The following NOL4L variants were observed in gnomAD, a reference collection of about 807,000 sequenced individuals.
NOL4L encodes the protein nucleolar protein 4-like.
NOL4L carries 7 observed loss-of-function variants against 64.5 expected under a neutral mutation model. That is an observed-to-expected ratio of 0.11 (90% CI 0.06 to 0.20). The LOEUF is 0.20. NOL4L is among the 10% of genes least tolerant of loss of function. NOL4L has a pLI of 1.00. For missense variants in NOL4L, 680 were observed against 967.1 expected (o/e 0.70, Z 3.94); for synonymous variants, 413 against 401.0 (o/e 1.03, Z -0.36).
chr20:32,460,929 G>A lies in NOL4L; in HGVS notation c.842-4534C>T, dbSNP rs995027269. Among the ~76,000 whole-genome samples, 8 of 152,166 alleles carry A rather than the reference G, an allele frequency of 5.3e-5. No individual in the cohort carries two copies. Among genetic ancestry groups the A allele is most frequent in the Non-Finnish European group, 1.2e-4 (8 of 68,016 alleles). ...CCCCTACTCTCGGCGACTCCTGCTC[G>A]CCCTTCTGTGCTAACCCGAGCACCA... On this transcript the variant is annotated intron_variant, in intron 5 of 10. Transcript: ENST00000621426. The surrounding 1 kb of genome is among the most constrained non-coding windows in gnomAD (Gnocchi z 5.7).
rs745641509 is a variant in NOL4L, at chr20:32,447,702, G to A, written c.1937C>T (p.Thr646Met). The part of the protein sequence containing the change: ...RPVPTAQLSP[T>M]EISAVRQLIA... The stretch of plus-strand genomic sequence containing the variant: ...GAGCTGCCGCACGGCGCTGATCTCC[G>A]TGGGGCTGAGCTGAGCGGTGGGCAC... The change falls in exon 11 of 11, where the codon ACG becomes ATG. Residue 646 changes from threonine (T) to methionine (M), a missense_variant. Thr to Met is a moderately conservative substitution (Grantham distance 81). Transcript: ENST00000621426. 9.9e-6 allele frequency: 16 copies of A among 1,612,086 alleles called. No homozygotes were observed. Among genetic ancestry groups the A allele is most frequent in the African/African-American group, 2.7e-5 (2 of 74,866 alleles).
intron 4 of NOL4L, among the ~76,000 whole-genome samples, chr20:32,496,061 A>G (rs1357669020): frequency 1.3e-5 from 2 of 152,240 alleles, no homozygotes; most frequent in East Asian, 3.9e-4. Context: ...TCTGGCAGAG[A>G]AAGATCACCA....
intron 4 of NOL4L, among the ~76,000 whole-genome samples, chr20:32,504,351 T>G (rs1321567689): frequency 2.0e-5 from 3 of 151,970 alleles, no homozygotes; most frequent in Admixed American, 1.3e-4. Flanking sequence ...ACGAGGTCAG[T>G]AGATCGAGAC....
chr20:32,455,708 G>A (rs923762568), intron 6 of NOL4L, among the ~76,000 whole-genome samples: 2 of 152,072 alleles, frequency 1.3e-5, no homozygotes, highest in Non-Finnish European at 2.9e-5. Flanking sequence ...CCCTTTTTTC[G>A]CACGACCTAT....
chr20:32,546,287 T>C (rs1458321809), intron 1 of NOL4L, among the ~76,000 whole-genome samples: 2 of 149,974 alleles, frequency 1.3e-5, no homozygotes, highest in Admixed American at 1.3e-4. Context: ...TTTTGCTCGT[T>C]ACTCAGGCTG....
At chr20:32,491,319 T>A (rs1255272979) in intron 4 of NOL4L, among the ~76,000 whole-genome samples, 1 of 152,112 alleles carries the variant, frequency 6.6e-6, no homozygotes, top group African/African-American at 2.4e-5. Context: ...GAGGTGACAT[T>A]TAAGTTGGGC....
At chr20:32,501,716 A>G (rs916043114) in intron 4 of NOL4L, among the ~76,000 whole-genome samples, 11 of 152,338 alleles carry the variant, frequency 7.2e-5, no homozygotes, top group African/African-American at 2.6e-4. Context: ...TACTAAAAGA[A>G]AACATGGGGG....
intron 1 of NOL4L, among the ~76,000 whole-genome samples, chr20:32,581,765 AC>A: frequency 6.6e-6 from 1 of 152,214 alleles, no homozygotes; most frequent in Non-Finnish European, 1.5e-5. Flanking sequence ...CAGTGCCCGC[AC>A]AAGGACTGTG....
intron 3 of NOL4L, among the ~76,000 whole-genome samples, chr20:32,517,740 G>C (rs1043385759): frequency 1.3e-5 from 2 of 152,210 alleles, no homozygotes; most frequent in Non-Finnish European, 2.9e-5. Context: ...GGCACCGTAG[G>C]CCACGACACG....
chr20:32,524,943 C>T (rs186421988), intron 2 of NOL4L, among the ~76,000 whole-genome samples: 68 of 152,352 alleles, frequency 4.5e-4, no homozygotes, highest in African/African-American at 1.3e-3. Flanking sequence ...CCAGCCCCTT[C>T]GGCCTCACAC....
intron 1 of NOL4L, among the ~76,000 whole-genome samples, chr20:32,529,434 G>A (rs573156817): frequency 6.6e-6 from 1 of 152,344 alleles, no homozygotes; most frequent in Admixed American, 6.5e-5. Context: ...ACAGTGGCTG[G>A]TGGATGGCAC....
At chr20:32,477,995 C>A (rs2015498248) in intron 4 of NOL4L, among the ~76,000 whole-genome samples, 1 of 152,230 alleles carries the variant, frequency 6.6e-6, no homozygotes. Flanking sequence ...TCAGGCCTAG[C>A]TCCAGCTCTG....
intron 5 of NOL4L, among the ~76,000 whole-genome samples, chr20:32,468,783 C>G (rs978082189): frequency 1.3e-5 from 2 of 151,962 alleles, no homozygotes; most frequent in African/African-American, 4.8e-5. Context: ...CCTGTAATCC[C>G]AGCTACTCGG....
At chr20:32,553,130 C>G (rs1174648736) in intron 1 of NOL4L, among the ~76,000 whole-genome samples, 1 of 152,162 alleles carries the variant, frequency 6.6e-6, no homozygotes, top group African/African-American at 2.4e-5. Context: ...CCAGCAAATC[C>G]TGTGGCGCGC....
At chr20:32,530,410 G>A (rs562799656) in intron 1 of NOL4L, among the ~76,000 whole-genome samples, 46 of 152,224 alleles carry the variant, frequency 3.0e-4, no homozygotes, top group Non-Finnish European at 5.7e-4. Context: ...GCATGGTGGC[G>A]GGAGCCTGTA....
Position 32,452,228 on chromosome 20 carries a change from C to G in NOL4L, c.1822+8G>C. On this transcript the variant is annotated splice_region_variant and intron_variant, in intron 10 of 10. Coordinates refer to ENST00000621426, the MANE Select transcript of NOL4L (RefSeq NM_001256798.2). ...GGGAAGCCAGAGCCCAGGCCTCCCC[C>G]GACTCACCATTACTGTGGTTTCCTG... 6.6e-7 allele frequency: 1 copy of G among 1,520,910 alleles called. No individual in the cohort carries two copies. Among genetic ancestry groups the G allele is most frequent in the Non-Finnish European group, 8.9e-7 (1 of 1,129,234 alleles). The allele number at this position is 1,520,910 out of a possible 1,614,324, so 94.2% of individuals were successfully genotyped here. A position where few individuals can be genotyped will look rare whatever the true frequency, so the allele number is the denominator to read the frequency against.
In NOL4L at chr20:32,453,297, GA is replaced by G. The variant is rs2013123019; in HGVS notation, c.1497+6del. On this transcript the variant is annotated splice_donor_region_variant and intron_variant, in intron 8 of 10. Transcript: ENST00000621426. The surrounding 1 kb of genome is among the most constrained non-coding windows in gnomAD (Gnocchi z 5.6). ...GGGAAAGTGTGGGCCAGGCAGGGGG[GA>G]CTCACCATCTCCATGCCGTTCTTCT... 1.2e-6 allele frequency: 2 copies of G among 1,611,758 alleles called. No individual in the cohort carries two copies. Among genetic ancestry groups the G allele is most frequent in the Non-Finnish European group, 1.7e-6 (2 of 1,178,194 alleles).
At chr20:32,561,268 G>C (rs1979000414) in intron 1 of NOL4L, 3 of 152,278 alleles carry the variant, frequency 2.0e-5, no homozygotes, top group Admixed American at 1.3e-4. Flanking sequence ...GGGGAGGTAG[G>C]TGGGTGCCGG....
At chr20:32,552,000 G>A (rs1019826324) in intron 1 of NOL4L, among the ~76,000 whole-genome samples, 2 of 151,708 alleles carry the variant, frequency 1.3e-5, no homozygotes, top group African/African-American at 4.8e-5. Context: ...ATATTGCACA[G>A]GCTGGTCTTG....
Sources: gnomAD v4.1 joint callset for allele counts (sites outside exome capture counted in the v4.1 genomes callset) on GRCh38, gnomAD v4.1.1 for gene constraint, Gnocchi (gnomAD v3.1) non-coding constraint, MANE v1.5 for transcripts, NCBI Gene and HGNC (gene_info 2026-07-23, HGNC 2026-07-21) for gene names.